CABCOCO1: variants seen among roughly 807,000 people sequenced by gnomAD.
CABCOCO1 encodes the protein ciliary-associated calcium-binding coiled-coil protein 1.
A neutral mutation model predicts 35.7 loss-of-function variants in CABCOCO1; 28 were observed. The ratio of observed to expected loss-of-function variants is 0.78; its 90% CI spans 0.58 to 1.07. The LOEUF is 1.07. Among genes scored for constraint, CABCOCO1 ranks in the 50% least tolerant of loss-of-function variants. The probability of loss-of-function intolerance (pLI) is 0.00; values close to 1 mark genes in which losing one functional copy is unlikely to be tolerated. For missense variants in CABCOCO1, 326 were observed against 309.2 expected, an observed-to-expected ratio of 1.05 and a Z score of -0.41; for synonymous variants, 95 against 100.1, an observed-to-expected ratio of 0.95 and a Z score of 0.30.
chr10:61,719,703 C>T (rs982651630), intron 5 of CABCOCO1, among the ~76,000 whole-genome samples: 4 of 151,884 alleles, frequency 2.6e-5, no homozygotes, highest in Admixed American at 1.3e-4. Context: ...GTGGATCACC[C>T]GAGGTCAGGA....
At chr10:61,695,920 T>C (rs1281735736) in intron 5 of CABCOCO1, among the ~76,000 whole-genome samples, 2 of 151,620 alleles carry the variant, frequency 1.3e-5, no homozygotes, top group African/African-American at 4.8e-5. Context: ...AGAAACACAC[T>C]AAAGGAAATA....
At chr10:61,745,521 A>G (rs1205860994) in intron 5 of CABCOCO1, among the ~76,000 whole-genome samples, 1 of 152,170 alleles carries the variant, frequency 6.6e-6, no homozygotes, top group Non-Finnish European at 1.5e-5. Flanking sequence ...GCCCAACTGT[A>G]GCCGTTTTTA....
intron 5 of CABCOCO1, among the ~76,000 whole-genome samples, chr10:61,690,843 T>C (rs1278421880): frequency 1.3e-5 from 2 of 152,178 alleles, no homozygotes; most frequent in Non-Finnish European, 2.9e-5. Flanking sequence ...CATTTATACT[T>C]TGTGTATTTA....
At chr10:61,725,465 T>G (rs145832098) in intron 5 of CABCOCO1, among the ~76,000 whole-genome samples, 1,678 of 152,174 alleles carry the variant, frequency 0.011, 22 homozygotes, top group African/African-American at 0.039. Flanking sequence ...TTCAGGTACA[T>G]GGATGAAGCT....
At chr10:61,750,993 A>G (rs1055201572) in intron 5 of CABCOCO1, among the ~76,000 whole-genome samples, 6 of 152,148 alleles carry the variant, frequency 3.9e-5, no homozygotes, top group African/African-American at 7.2e-5. Flanking sequence ...GACAAATACT[A>G]TGAAGTTGAA....
intron 5 of CABCOCO1, among the ~76,000 whole-genome samples, chr10:61,709,738 C>T (rs911133291): frequency 3.2e-4 from 48 of 151,778 alleles, no homozygotes; most frequent in African/African-American, 1.1e-3. Context: ...TGCTGCTTCC[C>T]CTCATTTCTC....
At chr10:61,748,652 T>C (rs1192226852) in intron 5 of CABCOCO1, among the ~76,000 whole-genome samples, 1 of 152,258 alleles carries the variant, frequency 6.6e-6, no homozygotes, top group African/African-American at 2.4e-5. Flanking sequence ...TGTTTTGACC[T>C]AGCAGATGAT....
chr10:61,699,343 A>G (rs1840380036), intron 5 of CABCOCO1, among the ~76,000 whole-genome samples: 1 of 152,182 alleles, frequency 6.6e-6, no homozygotes, highest in Non-Finnish European at 1.5e-5. Context: ...ATCTGTCTCC[A>G]GCAAAATAAC....
intron 5 of CABCOCO1, among the ~76,000 whole-genome samples, chr10:61,712,903 T>C (rs1046644146): frequency 5.3e-5 from 8 of 152,258 alleles, no homozygotes; most frequent in Non-Finnish European, 8.8e-5. Context: ...TTTTGGTTAC[T>C]GTAGCCCTTG....
chr10:61,665,653 CGAGGCGGGCG>C (rs1839143698), intron 1 of CABCOCO1, among the ~76,000 whole-genome samples: 1 of 151,702 alleles, frequency 6.6e-6, no homozygotes, highest in African/African-American at 2.4e-5. Context: ...TTTGGGAGGC[CGAGGCGGGCG>C]GATCACGAGG....
chr10:61,696,625 G>GTAGC (rs1589127677), intron 5 of CABCOCO1, among the ~76,000 whole-genome samples: 1 of 151,932 alleles, frequency 6.6e-6, no homozygotes, highest in East Asian at 1.9e-4. Context: ...AGCCTCCCAT[G>GTAGC]TAGCTGGGAC....
chr10:61,736,007 T>C (rs935641706), intron 5 of CABCOCO1, among the ~76,000 whole-genome samples: 3 of 152,158 alleles, frequency 2.0e-5, no homozygotes, highest in African/African-American at 7.2e-5. Flanking sequence ...AATGGGGTTA[T>C]TTATTTTTCT....
chr10:61,755,911 C>T (rs1564557405), intron 5 of CABCOCO1, among the ~76,000 whole-genome samples: 2 of 151,918 alleles, frequency 1.3e-5, no homozygotes, highest in African/African-American at 4.8e-5. Flanking sequence ...GAGTCTAATT[C>T]CTATAAGCAT....
chr10:61,714,151 T>G lies in CABCOCO1; in HGVS notation c.552+23530T>G, dbSNP rs1484763544. Among the ~76,000 whole-genome samples the G allele has an allele frequency of 2.6e-5, 4 of 152,208 alleles. No homozygotes were observed. The East Asian group carries it at 7.7e-4, about 29-fold the overall frequency. On this transcript the variant is annotated intron_variant, in intron 5 of 7. Transcript: ENST00000648843. ...AATCCATCTTGTCCTGGACTTTTTT[T>G]GGTTGGTAGGCTACTAATTATTGCC...
At chr10:61,749,322 A>G (rs35265670) in intron 5 of CABCOCO1, among the ~76,000 whole-genome samples, 1 of 152,078 alleles carries the variant, frequency 6.6e-6, no homozygotes, top group Middle Eastern at 3.2e-3. Context: ...GTTTTTCTGC[A>G]TGCCTGTTCC....
At chr10:61,765,517 G>A (rs1842089775) in intron 7 of CABCOCO1, among the ~76,000 whole-genome samples, 1 of 152,186 alleles carries the variant, frequency 6.6e-6, no homozygotes, top group Non-Finnish European at 1.5e-5. Flanking sequence ...GAAGCTTCCT[G>A]GGATCTCATT....
At chr10:61,706,530 A>C (rs1292405154) in intron 5 of CABCOCO1, among the ~76,000 whole-genome samples, 1 of 152,222 alleles carries the variant, frequency 6.6e-6, no homozygotes, top group African/African-American at 2.4e-5. Flanking sequence ...AAAAACAATT[A>C]TAATTGAACA....
intron 5 of CABCOCO1, among the ~76,000 whole-genome samples, chr10:61,716,568 C>T (rs942187952): frequency 6.6e-6 from 1 of 152,146 alleles, no homozygotes; most frequent in African/African-American, 2.4e-5. Flanking sequence ...GAATTATTAA[C>T]CCCTAAACTG....
intron 5 of CABCOCO1, among the ~76,000 whole-genome samples, chr10:61,755,856 T>A (rs1248377060): frequency 6.6e-6 from 1 of 152,004 alleles, no homozygotes; most frequent in African/African-American, 2.4e-5. Flanking sequence ...AATTTTCAGA[T>A]AAAATCTTTA....
Sources: gnomAD v4.1 joint callset for allele counts (sites outside exome capture counted in the v4.1 genomes callset) on GRCh38, gnomAD v4.1.1 for gene constraint, MANE v1.5 for transcripts, NCBI Gene and HGNC (gene_info 2026-07-23, HGNC 2026-07-21) for gene names.